The following CCDC169 variants were observed in gnomAD, a reference collection of about 807,000 sequenced individuals.
CCDC169 encodes coiled-coil domain-containing protein 169.
Under a neutral mutation model 36.0 loss-of-function variants are expected in CCDC169, and 30 were observed. That is an observed-to-expected ratio of 0.83 (90% CI 0.62 to 1.13). The LOEUF is 1.13. CCDC169 is among the 50% of genes most tolerant of loss of function. The pLI, the probability that CCDC169 is intolerant of heterozygous loss-of-function variation, is 0.00. For missense variants in CCDC169, 245 were observed against 245.9 expected (o/e 1.00, Z 0.03); for synonymous variants, 85 against 81.5 (o/e 1.04, Z -0.23).
chr13:36,239,548 T>C (rs1229014258), intron 7 of CCDC169, among the ~76,000 whole-genome samples: 1 of 152,202 alleles, frequency 6.6e-6, no homozygotes, highest in Non-Finnish European at 1.5e-5. Context: ...ACATTGTTAC[T>C]CTGCTGATTC....
chr13:36,285,087 C>G (rs982707617), intron 2 of CCDC169, among the ~76,000 whole-genome samples: 1 of 152,150 alleles, frequency 6.6e-6, no homozygotes, highest in Non-Finnish European at 1.5e-5. Context: ...ATGGTATCCC[C>G]TTTCCTAACA....
At chr13:36,277,395 G>A (rs1876958938) in intron 4 of CCDC169, among the ~76,000 whole-genome samples, 1 of 152,020 alleles carries the variant, frequency 6.6e-6, no homozygotes, top group Non-Finnish European at 1.5e-5. Context: ...GGGTTGATAG[G>A]TGCAGCAAAC....
chr13:36,255,362 C>A (rs559174836), intron 4 of CCDC169, among the ~76,000 whole-genome samples: 181 of 152,196 alleles, frequency 1.2e-3, no homozygotes, highest in African/African-American at 3.6e-3. Flanking sequence ...TGTGCCCTTG[C>A]ACCCTGCAGA....
At chr13:36,237,481 T>C (rs1871231526) in intron 7 of CCDC169, among the ~76,000 whole-genome samples, 1 of 152,190 alleles carries the variant, frequency 6.6e-6, no homozygotes, top group Non-Finnish European at 1.5e-5. Flanking sequence ...ACAAAACTTG[T>C]ACAGGGATGT....
At chr13:36,227,134 G>T, downstream of CCDC169, 1 of 1,002,642 alleles carries the variant, frequency 1.0e-6, no homozygotes, top group Non-Finnish European at 1.4e-6. Context: ...TTTCCTGGGG[G>T]AGGCTTAAAG....
chr13:36,261,468 C>T (rs576125063), intron 4 of CCDC169, among the ~76,000 whole-genome samples: 17 of 152,314 alleles, frequency 1.1e-4, no homozygotes, highest in East Asian at 1.9e-4. Flanking sequence ...TTTACCTTTC[C>T]TACCACAGTG....
At chr13:36,231,340 C>A in intron 7 of CCDC169, 48 bp from the exon 8 acceptor site, 6 of 1,518,952 alleles carry the variant, frequency 4.0e-6, no homozygotes, top group Non-Finnish European at 5.4e-6. Context: ...CCATTATGTA[C>A]AACAAAAACA....
chr13:36,293,284 A>T (rs910761945), intron 2 of CCDC169, among the ~76,000 whole-genome samples: 23 of 152,138 alleles, frequency 1.5e-4, no homozygotes, highest in African/African-American at 5.3e-4. Flanking sequence ...CTCCTTCATA[A>T]ACTTTAACCT....
intron 4 of CCDC169, among the ~76,000 whole-genome samples, chr13:36,278,615 C>T (rs1877129406): frequency 6.6e-6 from 1 of 152,124 alleles, no homozygotes; most frequent in Non-Finnish European, 1.5e-5. Flanking sequence ...TGATACCATT[C>T]TTCCAGTTGT....
chr13:36,282,269 G>T (rs1215154724), intron 4 of CCDC169: 1 of 697,046 alleles, frequency 1.4e-6, no homozygotes, highest in African/African-American at 1.9e-5. Context: ...CAATTTAACA[G>T]GAAGCCAAAA....
At chr13:36,272,097 AACT>A (rs1287954584) in intron 4 of CCDC169, among the ~76,000 whole-genome samples, 2 of 135,238 alleles carry the variant, frequency 1.5e-5, no homozygotes, top group Admixed American at 7.7e-5. Context: ...AAAAAAAAAA[AACT>A]AAAAAAATAA....
rs2138477689 is a variant in CCDC169 at position 36,254,087 on chromosome 13, A to C, written c.372T>G (p.Ser124Arg). 6.5e-7 allele frequency: 1 copy of C among 1,548,630 alleles called. No homozygotes were observed. The highest frequency in any genetic ancestry group is 8.7e-7 in the Non-Finnish European group (1 of 1,146,160). Residue 124 changes from serine (S) to arginine (R), a missense_variant, in exon 5 of 8, where the codon AGT becomes AGG. By Grantham distance (110) the Ser-to-Arg change is moderately radical (BLOSUM62 -1). Transcript: ENST00000239859. ...QLEEEKKTLE[S>R]QVKYYALKLE... is the part of the protein sequence containing the mutation. ...GTTTAAGTGCATAGTATTTCACTTG[A>C]CTTTCAAGAGTCTTCTTTTCTTCTT... is the stretch of plus-strand genomic sequence containing the variant.
At chr13:36,234,610 T>A (rs2138391288) in intron 7 of CCDC169, among the ~76,000 whole-genome samples, 1 of 152,238 alleles carries the variant, frequency 6.6e-6, no homozygotes, top group African/African-American at 2.4e-5. Context: ...AAAGGGATCT[T>A]CAATAGGAGT....
chr13:36,232,028 C>T (rs1023253648), intron 7 of CCDC169, among the ~76,000 whole-genome samples: 9 of 152,172 alleles, frequency 5.9e-5, no homozygotes, highest in Admixed American at 2.6e-4. Flanking sequence ...TGGAAATTAA[C>T]GAAAGTGTTG....
At position 36,248,514 on chromosome 13, in the gene CCDC169, T is replaced by A. The variant is rs1872757258; in HGVS notation, c.545+92A>T. ...TATTGTTGCTATAAAACCTAGAAGT[T>A]CAGCTTCCAAAATATAGTGGACACC... On this transcript the variant is annotated intron_variant, in intron 7 of 7. Coordinates refer to ENST00000239859, the MANE Select transcript of CCDC169 (RefSeq NM_001144981.3). The A allele has an allele frequency of 2.5e-6, 3 of 1,224,100 alleles. No homozygotes were observed. The East Asian group carries it at 7.7e-5, about 31-fold the overall frequency. The allele number at this position is 1,224,100 out of a possible 1,614,324, so 75.8% of individuals were successfully genotyped here. A position where few individuals can be genotyped will look rare whatever the true frequency, so the allele number is the denominator to read the frequency against.
At position 36,284,785 on chromosome 13, in the gene CCDC169, A is replaced by G. The variant is rs139940490; in HGVS notation, c.164-1083T>C. 7.7e-3 allele frequency among the ~76,000 whole-genome samples: 1,167 copies of G among 152,306 alleles called. 17 individuals carry two copies. Among genetic ancestry groups the G allele is most frequent in the African/African-American group, 0.027 (1,114 of 41,564 alleles). Reference sequence around the variant, plus strand: ...ACAGGTCTGAAATAACTGCTGCTACATAACAGTTAGTGGAAGAGTTAAGGA... The same window carrying G: ...ACAGGTCTGAAATAACTGCTGCTACGTAACAGTTAGTGGAAGAGTTAAGGA... On this transcript the variant is annotated intron_variant, in intron 2 of 7. Coordinates refer to ENST00000239859, the MANE Select transcript of CCDC169 (RefSeq NM_001144981.3).
intron 7 of CCDC169, among the ~76,000 whole-genome samples, chr13:36,235,987 T>C (rs1455807795): frequency 1.3e-5 from 2 of 151,958 alleles, no homozygotes; most frequent in African/African-American, 4.8e-5. Flanking sequence ...AAAATATCTA[T>C]GAAAGAAATT....
chr13:36,263,721 T>C (rs1478811471), intron 4 of CCDC169, among the ~76,000 whole-genome samples: 1 of 152,160 alleles, frequency 6.6e-6, no homozygotes, highest in Non-Finnish European at 1.5e-5. Flanking sequence ...CAAAAATTAA[T>C]TACACACTAG....
chr13:36,297,503 C>T (rs1050699896), intron 1 of CCDC169, 134 bp downstream of exon 1: 2 of 791,246 alleles, frequency 2.5e-6, no homozygotes, highest in African/African-American at 1.7e-5. Flanking sequence ...CTTTTGGAAC[C>T]CAGACCGAAG....
Sources: allele counts gnomAD v4.1 joint callset (sites outside exome capture counted in the v4.1 genomes callset), GRCh38; gene constraint gnomAD v4.1.1; transcripts MANE v1.5; gene names NCBI Gene and HGNC (gene_info 2026-07-23, HGNC 2026-07-21).